ADGRL3: variants seen among roughly 807,000 people sequenced by gnomAD.
ADGRL3 encodes calcium-independent alpha-latrotoxin receptor 3.
Under a neutral mutation model 153.5 loss-of-function variants are expected in ADGRL3, and 62 were observed. The observed-to-expected ratio is 0.40, with a 90% CI of 0.33 to 0.50. ADGRL3 has a LOEUF of 0.50. Among genes scored for constraint, ADGRL3 ranks in the 20% least tolerant of loss-of-function variants. The probability of loss-of-function intolerance (pLI) is 0.47; values close to 1 mark genes in which losing one functional copy is unlikely to be tolerated. For missense variants in ADGRL3, 1,641 were observed against 1,859.4 expected (o/e 0.88, Z 2.16); for synonymous variants, 710 against 672.5 (o/e 1.06, Z -0.86).
At chr4:61,471,917 T>G (rs1049946568) in intron 2 of ADGRL3, among the ~76,000 whole-genome samples, 1 of 151,286 alleles carries the variant, frequency 6.6e-6, no homozygotes, top group Non-Finnish European at 1.5e-5. Context: ...AAATACAGTA[T>G]AATATAATAC....
chr4:61,516,241 T>C (rs2098493805), intron 3 of ADGRL3, among the ~76,000 whole-genome samples: 1 of 152,100 alleles, frequency 6.6e-6, no homozygotes, highest in South Asian at 2.1e-4. Flanking sequence ...CTGTATAAAT[T>C]TCTAGTGTTA....
chr4:61,939,763 C>T (rs182051968), intron 15 of ADGRL3, among the ~76,000 whole-genome samples: 2 of 152,058 alleles, frequency 1.3e-5, no homozygotes, highest in South Asian at 2.1e-4. Flanking sequence ...CCACCACACC[C>T]GGCCAAAATT....
chr4:61,468,152 C>T (rs897895615), intron 2 of ADGRL3, among the ~76,000 whole-genome samples: 1 of 152,170 alleles, frequency 6.6e-6, no homozygotes, highest in African/African-American at 2.4e-5. Context: ...GTAAAAACCC[C>T]ATTGTTGGAA....
intron 1 of ADGRL3, among the ~76,000 whole-genome samples, chr4:61,207,664 A>G (rs1737941871): frequency 6.6e-6 from 1 of 152,204 alleles, no homozygotes; most frequent in Non-Finnish European, 1.5e-5. Flanking sequence ...CACTCCTACC[A>G]ACAGTGTAAA....
intron 2 of ADGRL3, among the ~76,000 whole-genome samples, chr4:61,448,218 C>A (rs2097611023): frequency 6.6e-6 from 1 of 152,154 alleles, no homozygotes; most frequent in South Asian, 2.1e-4. Context: ...CATACACAGT[C>A]AGGTGTGTAT....
intron 1 of ADGRL3, among the ~76,000 whole-genome samples, chr4:61,233,671 A>G (rs1208421636): frequency 6.6e-6 from 1 of 152,132 alleles, no homozygotes. Flanking sequence ...AAAGGCATGA[A>G]TAAGGAAATA....
At position 62,005,019 on chromosome 4, in the gene ADGRL3, T is replaced by C. The variant is rs555014629; in HGVS notation, c.3395+6754T>C. Among the ~76,000 whole-genome samples the C allele has an allele frequency of 5.3e-5, 8 of 152,264 alleles. No homozygotes were observed. In the East Asian group the frequency reaches 1.5e-3, roughly 29 times the overall value. On this transcript the variant is annotated intron_variant, in intron 21 of 26. Coordinates refer to ENST00000683033, the MANE Select transcript of ADGRL3 (RefSeq NM_001387552.1). ...CCAAACAACATTGTGTGGAGCTTTG[T>C]GTATTTTTAATGACACTACTAGACT... is the stretch of plus-strand genomic sequence containing the variant.
At chr4:61,749,391 C>T (rs921420214) in intron 8 of ADGRL3, among the ~76,000 whole-genome samples, 1 of 152,180 alleles carries the variant, frequency 6.6e-6, no homozygotes, top group African/African-American at 2.4e-5. Context: ...AATCATGCTG[C>T]TGTAAAGACA....
chr4:61,406,700 T>C (rs1377567152), intron 2 of ADGRL3, among the ~76,000 whole-genome samples: 1 of 152,018 alleles, frequency 6.6e-6, no homozygotes, highest in Admixed American at 6.6e-5. Context: ...TCCACATTCG[T>C]GTTTGGAGAG....
At chr4:61,793,556 T>G (rs1032262818) in intron 8 of ADGRL3, among the ~76,000 whole-genome samples, 1 of 152,102 alleles carries the variant, frequency 6.6e-6, no homozygotes, top group African/African-American at 2.4e-5. Flanking sequence ...ATTGTGAGAA[T>G]TACAATTCAA....
At chr4:61,352,290 T>A (rs1220788045) in intron 1 of ADGRL3, among the ~76,000 whole-genome samples, 1 of 152,206 alleles carries the variant, frequency 6.6e-6, no homozygotes, top group Non-Finnish European at 1.5e-5. Context: ...AAGGCTCAGA[T>A]GATTGTTAGC....
intron 2 of ADGRL3, among the ~76,000 whole-genome samples, chr4:61,477,520 G>T (rs867068964): frequency 6.6e-6 from 1 of 152,166 alleles, no homozygotes; most frequent in African/African-American, 2.4e-5. Context: ...GATTTTAACT[G>T]TATATGCTTT....
At chr4:61,891,132 C>T (rs2149587070) in intron 9 of ADGRL3, among the ~76,000 whole-genome samples, 2 of 152,152 alleles carry the variant, frequency 1.3e-5, no homozygotes, top group South Asian at 4.2e-4. Flanking sequence ...GACTATATTG[C>T]CATTTTGCTC....
At chr4:61,491,578 A>G (rs148517387) in intron 2 of ADGRL3, among the ~76,000 whole-genome samples, 1,589 of 152,146 alleles carry the variant, frequency 0.01, 30 homozygotes, top group African/African-American at 0.035. Flanking sequence ...TGTAATTTAT[A>G]TCATTTCTTT....
At chr4:61,667,949 T>G (rs1180336231) in intron 5 of ADGRL3, among the ~76,000 whole-genome samples, 3 of 152,194 alleles carry the variant, frequency 2.0e-5, no homozygotes, top group East Asian at 3.9e-4. Flanking sequence ...CAAGAGACAC[T>G]GTTTTCAATA....
intron 4 of ADGRL3, among the ~76,000 whole-genome samples, chr4:61,581,315 C>T (rs922170706): frequency 3.3e-5 from 5 of 151,830 alleles, no homozygotes; most frequent in Non-Finnish European, 5.9e-5. Context: ...TGCACGTGCA[C>T]GGTAGCTGTA....
intron 9 of ADGRL3, among the ~76,000 whole-genome samples, chr4:61,834,105 TC>T (rs1249368760): frequency 3.3e-5 from 1 of 30,728 alleles, no homozygotes; most frequent in Admixed American, 3.2e-4. Flanking sequence ...CCCTCCCCCC[TC>T]CCCCCTTCCC....
intron 1 of ADGRL3, among the ~76,000 whole-genome samples, chr4:61,375,887 G>A (rs141784115): frequency 0.016 from 2,489 of 152,156 alleles, 34 homozygotes; most frequent in Middle Eastern, 0.089. Flanking sequence ...TGCTTTATGA[G>A]TGGTAGTTTC....
intron 10 of ADGRL3, among the ~76,000 whole-genome samples, chr4:61,893,727 T>TTTG (rs2098605989): frequency 1.3e-5 from 2 of 148,718 alleles, no homozygotes; most frequent in African/African-American, 5.0e-5. Flanking sequence ...TTTTTTTTTT[T>TTTG]TTTGAGACGG....
Sources: gnomAD v4.1 joint callset for allele counts (sites outside exome capture counted in the v4.1 genomes callset) on GRCh38, gnomAD v4.1.1 for gene constraint, MANE v1.5 for transcripts, NCBI Gene and HGNC (gene_info 2026-07-23, HGNC 2026-07-21) for gene names.